Variants in SSBP3 observed in about 807,000 individuals in gnomAD.
SSBP3 encodes the protein single stranded DNA binding protein 3.
Under a neutral mutation model 69.6 loss-of-function variants are expected in SSBP3, and 5 were observed. That is an observed-to-expected ratio of 0.07 (90% CI 0.04 to 0.15). The LOEUF (loss-of-function observed/expected upper bound fraction) is 0.15. Among genes scored for constraint, SSBP3 ranks in the 10% least tolerant of loss-of-function variants. The pLI, the probability that SSBP3 is intolerant of heterozygous loss-of-function variation, is 1.00. For missense variants in SSBP3, 312 were observed against 534.0 expected, an observed-to-expected ratio of 0.58 and a Z score of 4.10; for synonymous variants, 196 against 193.4, an observed-to-expected ratio of 1.01 and a Z score of -0.11.
At chr1:54,227,181 A>AGAG in intron 17 of SSBP3, 21 bp from the exon 18 acceptor site, 1 of 525,172 alleles carries the variant, frequency 1.9e-6, no homozygotes, top group Non-Finnish European at 3.0e-6. Context: ...GAAGCAGAGA[A>AGAG]GGGGGGGGGG....
At chr1:54,359,208 C>CA (rs56901465) in intron 4 of SSBP3, among the ~76,000 whole-genome samples, 27,244 of 75,092 alleles carry the variant, frequency 0.36, 4,212 homozygotes, top group Middle Eastern at 0.48. Flanking sequence ...ACCCTCCCCT[C>CA]AAAAAAAAAA....
chr1:54,373,692 G>A (rs1260710705), intron 4 of SSBP3, among the ~76,000 whole-genome samples: 7 of 151,846 alleles, frequency 4.6e-5, no homozygotes, highest in African/African-American at 1.2e-4. Flanking sequence ...GCTTGAGCCC[G>A]GGAGGTGGAA....
chr1:54,363,818 A>G (rs1309515175), intron 4 of SSBP3, among the ~76,000 whole-genome samples: 1 of 152,226 alleles, frequency 6.6e-6, no homozygotes, highest in Non-Finnish European at 1.5e-5. Flanking sequence ...CGGACTTAAA[A>G]TAGGATTTAC....
chr1:54,408,958 T>C (rs1330433858), upstream of SSBP3, among the ~76,000 whole-genome samples: 2 of 152,138 alleles, frequency 1.3e-5, no homozygotes, highest in Non-Finnish European at 2.9e-5. Flanking sequence ...GAGAGTGTCT[T>C]AGCCACCCCT....
At chr1:54,396,220 C>A (rs213502) in intron 4 of SSBP3, among the ~76,000 whole-genome samples, 6,531 of 88,036 alleles carry the variant, frequency 0.074, 265 homozygotes, top group East Asian at 0.17. Flanking sequence ...AAAAAAAAAA[C>A]AACCCCATTA....
chr1:54,332,511 A>G (rs991531564), intron 4 of SSBP3, among the ~76,000 whole-genome samples: 2 of 152,202 alleles, frequency 1.3e-5, no homozygotes, highest in Non-Finnish European at 2.9e-5. Context: ...GCTGGGCAGA[A>G]GAGATCATCT....
chr1:54,328,022 T>C (rs1186925107), intron 4 of SSBP3, among the ~76,000 whole-genome samples: 2 of 152,208 alleles, frequency 1.3e-5, no homozygotes, highest in African/African-American at 2.4e-5. Context: ...ATAAATGTTA[T>C]GATCCTCAAA....
At chr1:54,376,773 G>A (rs192253806) in intron 4 of SSBP3, among the ~76,000 whole-genome samples, 4 of 152,288 alleles carry the variant, frequency 2.6e-5, no homozygotes, top group South Asian at 4.1e-4. Context: ...ATTTACAAAC[G>A]GCGATGCAAA....
chr1:54,230,176 G>A lies in SSBP3; in HGVS notation c.928-1350C>T, dbSNP rs933967875. On this transcript the variant is annotated intron_variant, in intron 14 of 17. Coordinates refer to ENST00000610401, the Ensembl canonical transcript of SSBP3. ...CAGCTAGGGTATGAGCTGCTTCCCC[G>A]TGCCCACCCAGACTGGGGGAGGGGT... is the stretch of plus-strand genomic sequence containing the variant. Among the ~76,000 whole-genome samples the A allele has an allele frequency of 6.6e-5, 10 of 152,210 alleles. No individual in the cohort carries two copies. In the East Asian group the frequency reaches 1.5e-3, roughly 24 times the overall value.
At chr1:54,395,231 G>A (rs1648781388) in intron 4 of SSBP3, among the ~76,000 whole-genome samples, 1 of 152,168 alleles carries the variant, frequency 6.6e-6, no homozygotes, top group South Asian at 2.1e-4. Flanking sequence ...AGCTTTCCAT[G>A]CCTCTCTCAA....
At chr1:54,394,694 C>G (rs1399881569) in intron 4 of SSBP3, among the ~76,000 whole-genome samples, 24 of 142,826 alleles carry the variant, frequency 1.7e-4, no homozygotes, top group Non-Finnish European at 3.5e-4. Context: ...CCTTAAGACT[C>G]CTTTTTTTTT....
chr1:54,250,433 G>C (rs1644806624), intron 9 of SSBP3, among the ~76,000 whole-genome samples: 2 of 151,688 alleles, frequency 1.3e-5, no homozygotes, highest in African/African-American at 4.8e-5. Context: ...TTCTGGGATG[G>C]AGCAGAGGGC....
chr1:54,228,687 C>T, intron 15 of SSBP3, 61 bp downstream of exon 15: 1 of 1,533,612 alleles, frequency 6.5e-7, no homozygotes. Context: ...GAGCCAGGAG[C>T]TGAGGCACAG....
At chr1:54,317,645 G>C (rs1301070257) in intron 4 of SSBP3, among the ~76,000 whole-genome samples, 1 of 152,182 alleles carries the variant, frequency 6.6e-6, no homozygotes, top group Non-Finnish European at 1.5e-5. Flanking sequence ...AGTCACTCAG[G>C]ATAATAGTAA....
chr1:54,313,685 C>T (rs773322755), intron 4 of SSBP3, among the ~76,000 whole-genome samples: 11 of 150,628 alleles, frequency 7.3e-5, no homozygotes, highest in Non-Finnish European at 1.3e-4. Flanking sequence ...GTGCAGTGCT[C>T]GTAAGCAGAT....
chr1:54,297,169 A>G (rs1054615669), intron 4 of SSBP3, among the ~76,000 whole-genome samples: 10 of 152,238 alleles, frequency 6.6e-5, no homozygotes, highest in Non-Finnish European at 1.3e-4. Flanking sequence ...AGATTTAAGT[A>G]ATGGAAGGGA....
upstream of SSBP3, among the ~76,000 whole-genome samples, chr1:54,407,749 A>T (rs967645933): frequency 3.3e-4 from 32 of 97,520 alleles, no homozygotes; most frequent in East Asian, 3.0e-3. Context: ...GCCTAGGTTG[A>T]TTTTTTTTTT....
chr1:54,316,659 ATAAAATAAAT>A (rs1289061288), intron 4 of SSBP3, among the ~76,000 whole-genome samples: 3,319 of 66,236 alleles, frequency 0.05, 540 homozygotes, highest in East Asian at 0.27. Flanking sequence ...AAAAAAAAAA[ATAAAATAAAT>A]AAATAAATAA....
intron 4 of SSBP3, among the ~76,000 whole-genome samples, chr1:54,377,690 G>A (rs1237415318): frequency 6.6e-6 from 1 of 152,186 alleles, no homozygotes; most frequent in African/African-American, 2.4e-5. Flanking sequence ...AATTCCCAGA[G>A]GAAGCATCAT....
Sources: gnomAD v4.1 joint callset for allele counts (sites outside exome capture counted in the v4.1 genomes callset) on GRCh38, gnomAD v4.1.1 for gene constraint, MANE v1.5 for transcripts, NCBI Gene and HGNC (gene_info 2026-07-23, HGNC 2026-07-21) for gene names.